Variants in RGS3 observed in about 807,000 individuals in gnomAD.
RGS3 encodes the protein regulator of G-protein signalling 3.
Under a neutral mutation model 132.6 loss-of-function variants are expected in RGS3, and 80 were observed. The observed-to-expected ratio is 0.60, with a 90% CI of 0.50 to 0.73. The LOEUF (loss-of-function observed/expected upper bound fraction) is 0.73. RGS3 is among the 30% of genes least tolerant of loss of function. The pLI is 0.00. For synonymous variants in RGS3, 598 were observed against 620.6 expected (o/e 0.96, Z 0.54); for missense variants, 1,382 against 1,530.8 (o/e 0.90, Z 1.62).
chr9:113,453,189 T>C (rs1445623842), intron 1 of RGS3, among the ~76,000 whole-genome samples: 1 of 127,576 alleles, frequency 7.8e-6, no homozygotes, highest in Non-Finnish European at 1.6e-5. Flanking sequence ...ACTCATTATA[T>C]GATTACATAA....
chr9:113,571,819 CT>C (rs1381493129), intron 19 of RGS3, among the ~76,000 whole-genome samples: 2 of 152,108 alleles, frequency 1.3e-5, no homozygotes, highest in African/African-American at 2.4e-5. Flanking sequence ...TTTATGTATT[CT>C]TTTAGATGTT....
intron 19 of RGS3, among the ~76,000 whole-genome samples, chr9:113,561,028 C>CT (rs889001853): frequency 2.9e-4 from 44 of 152,162 alleles, no homozygotes; most frequent in African/African-American, 1.1e-3. Flanking sequence ...CTCTCTTTCT[C>CT]TTTTTTTCTT....
At chr9:113,505,295 C>T (rs545298944) in intron 10 of RGS3, 147 bp from the exon 9 acceptor site, 16 of 668,348 alleles carry the variant, frequency 2.4e-5, no homozygotes, top group South Asian at 2.1e-4. Flanking sequence ...GATAGGGACA[C>T]TGAGGGGCTG....
chr9:113,541,698 A>G, intron 19 of RGS3: 2 of 1,077,580 alleles, frequency 1.9e-6, no homozygotes, highest in Non-Finnish European at 2.3e-6. Context: ...GAGGAGGAGG[A>G]GGAGGACATT....
intron 3 of RGS3, among the ~76,000 whole-genome samples, chr9:113,475,803 G>T (rs1829974748): frequency 6.6e-6 from 1 of 152,156 alleles, no homozygotes; most frequent in African/African-American, 2.4e-5. Context: ...GTTCTGAAAG[G>T]ATGCCAAATT....
chr9:113,527,697 AG>A (rs1832275548), intron 17 of RGS3, among the ~76,000 whole-genome samples: 1 of 152,166 alleles, frequency 6.6e-6, no homozygotes, highest in African/African-American at 2.4e-5. Flanking sequence ...CCTTGCTTCG[AG>A]GGGGCCTGGC....
chr9:113,553,457 A>AAAAAAAAAAAAT (rs1833429625), intron 19 of RGS3, among the ~76,000 whole-genome samples: 1 of 90,874 alleles, frequency 1.1e-5, no homozygotes, highest in Non-Finnish European at 2.2e-5. Context: ...AAAAAAAAAA[A>AAAAAAAAAAAAT]AAATATATAT....
At chr9:113,582,738 T>A (rs1031907020) in intron 19 of RGS3, 7 of 152,212 alleles carry the variant, frequency 4.6e-5, no homozygotes, top group Non-Finnish European at 7.3e-5. Context: ...AGGCAGGAGA[T>A]GCTGTGTTTT....
intron 15 of RGS3, among the ~76,000 whole-genome samples, chr9:113,515,657 C>G (rs963771078): frequency 1.3e-5 from 2 of 152,012 alleles, no homozygotes; most frequent in African/African-American, 2.4e-5. Flanking sequence ...AAACAAAAAC[C>G]TAAAAATCTT....
At chr9:113,518,741 G>T (rs1035969668) in intron 16 of RGS3, among the ~76,000 whole-genome samples, 1 of 152,014 alleles carries the variant, frequency 6.6e-6, no homozygotes. Flanking sequence ...TGGGAACTTT[G>T]CAAACTTTGG....
At position 113,515,645 on chromosome 9, in the gene RGS3, CA is replaced by C. The variant is rs553209280; in HGVS notation, c.1674+995del. Reference sequence around the variant, plus strand: ...GACTCTGTCTCAAAAAAAAAAGAAACAAAACAAAAACCTAAAAATCTTTATT... The same window carrying C: ...GACTCTGTCTCAAAAAAAAAAGAAACAAACAAAAACCTAAAAATCTTTATT... On this transcript the variant is annotated intron_variant, in intron 15 of 24. Coordinates refer to ENST00000350696, the Ensembl canonical transcript of RGS3. 2.8e-4 allele frequency among the ~76,000 whole-genome samples: 43 copies of C among 151,570 alleles called. No individual in the cohort carries two copies. In the East Asian group the frequency reaches 7.6e-3, roughly 27 times the overall value.
intron 10 of RGS3, among the ~76,000 whole-genome samples, chr9:113,498,921 G>GAAAAAAAA: frequency 2.1e-5 from 1 of 47,380 alleles, no homozygotes; most frequent in Non-Finnish European, 4.3e-5. Flanking sequence ...TGTCTCAATT[G>GAAAAAAAA]AAAAAAAAAA....
chr9:113,469,378 G>A (rs1829753498), intron 3 of RGS3, among the ~76,000 whole-genome samples: 1 of 152,088 alleles, frequency 6.6e-6, no homozygotes. Flanking sequence ...TCATTTGCTG[G>A]TCATACTCCT....
chr9:113,517,501 C>A, intron 15 of RGS3, 40 bp from the exon 14 acceptor site: 1 of 1,556,672 alleles, frequency 6.4e-7, no homozygotes, highest in Non-Finnish European at 8.8e-7. Flanking sequence ...CCTCACCCAG[C>A]CTCTTTTTGA....
chr9:113,520,308 T>A (rs1346663686), intron 16 of RGS3, among the ~76,000 whole-genome samples: 2 of 152,230 alleles, frequency 1.3e-5, no homozygotes. Context: ...CCCGGCACGC[T>A]TGCCCCTCTG....
At chr9:113,482,892 A>T (rs529922033) in intron 4 of RGS3, 167 bp from the exon 3 acceptor site, 1 of 1,474,694 alleles carries the variant, frequency 6.8e-7, no homozygotes, top group Non-Finnish European at 8.9e-7. Context: ...GGTTATGCAG[A>T]TTAAGGGCCT....
Position 113,463,810 on chromosome 9 carries a change from G to C in RGS3, c.415+1609G>C. ...GGGTCGCAGTGGGACGCCATGGAGC[G>C]CTCCCTGCACCGCGTCTCCCTCGGG... On this transcript the variant is annotated intron_variant, in intron 3 of 24. Coordinates refer to ENST00000350696, the Ensembl canonical transcript of RGS3. This position sits in a 1 kb window ranked among gnomAD's most constrained non-coding sequence, Gnocchi z 4.6. 1 of 1,611,382 alleles carries C rather than the reference G, an allele frequency of 6.2e-7. No individual in the cohort carries two copies. The highest frequency in any genetic ancestry group is 8.5e-7 in the Non-Finnish European group (1 of 1,179,172).
At chr9:113,491,912 G>T (rs974409489) in intron 7 of RGS3, among the ~76,000 whole-genome samples, 1 of 152,196 alleles carries the variant, frequency 6.6e-6, no homozygotes, top group Admixed American at 6.5e-5. Context: ...CTTGTGATTT[G>T]CCCTGCACTG....
intron 17 of RGS3, among the ~76,000 whole-genome samples, chr9:113,525,678 G>A (rs1378368141): frequency 6.6e-6 from 1 of 152,208 alleles, no homozygotes; most frequent in Non-Finnish European, 1.5e-5. Flanking sequence ...GTTGGGGCTG[G>A]CAGGGGCTGC....
Sources: gnomAD v4.1 joint callset for allele counts (sites outside exome capture counted in the v4.1 genomes callset) on GRCh38, gnomAD v4.1.1 for gene constraint, Gnocchi (gnomAD v3.1) non-coding constraint, MANE v1.5 for transcripts, NCBI Gene and HGNC (gene_info 2026-07-23, HGNC 2026-07-21) for gene names.